The following SCARA3 variants were observed in gnomAD, a reference collection of about 807,000 sequenced individuals.
The protein encoded by SCARA3 is cellular stress response gene protein.
SCARA3 carries 39 observed loss-of-function variants against 47.0 expected under a neutral mutation model. The ratio of observed to expected loss-of-function variants is 0.83; its 90% CI spans 0.64 to 1.08. The LOEUF is 1.08. SCARA3 is among the 50% of genes least tolerant of loss of function. SCARA3 has a pLI of 0.00. For synonymous variants in SCARA3, 356 were observed against 334.1 expected (o/e 1.07, Z -0.71); for missense variants, 724 against 792.3 (o/e 0.91, Z 1.04).
chr8:27,684,798 G>A, the SCARA3 span, among the ~76,000 whole-genome samples: 1 of 152,212 alleles, frequency 6.6e-6, no homozygotes, highest in Non-Finnish European at 1.5e-5. Flanking sequence ...GCTGAAGCAG[G>A]AGGATCTGCT....
At position 27,634,131 on chromosome 8, in the gene SCARA3, G is replaced by C; in HGVS notation, c.-70G>C. ...CGATCCGCGCCCTGGAGGATCCGCC[G>C]GCCGCCCGGCTCCACTACAGCTCCA... On this transcript the variant is annotated 5_prime_UTR_variant, in exon 1 of 6. Coordinates refer to ENST00000301904, the MANE Select transcript of SCARA3 (RefSeq NM_016240.3). 1 of 1,412,772 alleles carries C rather than the reference G, an allele frequency of 7.1e-7. No homozygotes were observed. Among genetic ancestry groups the C allele is most frequent in the Non-Finnish European group, 9.2e-7 (1 of 1,081,200 alleles). 87.5% of individuals were successfully genotyped at this position (1,412,772 alleles called of 1,614,324 possible). A position where few individuals can be genotyped will look rare whatever the true frequency, so the allele number is the denominator to read the frequency against.
chr8:27,699,201 G>A, the SCARA3 span, among the ~76,000 whole-genome samples: 19 of 151,114 alleles, frequency 1.3e-4, 1 homozygote, highest in South Asian at 8.4e-4. Flanking sequence ...CCGAGATTGC[G>A]CCACTGCACT....
At chr8:27,695,587 T>C in the SCARA3 span, among the ~76,000 whole-genome samples, 1 of 152,102 alleles carries the variant, frequency 6.6e-6, no homozygotes, top group Non-Finnish European at 1.5e-5. Context: ...AACCTAAATA[T>C]TAGCAGACAA....
At chr8:27,647,135 A>G (rs1801520541) in intron 1 of SCARA3, among the ~76,000 whole-genome samples, 3 of 152,096 alleles carry the variant, frequency 2.0e-5, no homozygotes, top group African/African-American at 7.2e-5. Flanking sequence ...AGGTACACAC[A>G]CATGCACACT....
chr8:27,677,281 GGAA>G (rs1450106602), downstream of SCARA3, among the ~76,000 whole-genome samples: 1 of 152,198 alleles, frequency 6.6e-6, no homozygotes, highest in Admixed American at 6.5e-5. Flanking sequence ...TAGTCTTATG[GGAA>G]GAAGAAACGG....
chr8:27,633,747 G>C (rs1418864915), upstream of SCARA3: 1 of 151,456 alleles, frequency 6.6e-6, no homozygotes, highest in Admixed American at 6.6e-5. Context: ...GGCCGCGGCA[G>C]TTTTGAAAAT....
the SCARA3 span, among the ~76,000 whole-genome samples, chr8:27,685,840 TAAAC>T: frequency 1.3e-5 from 2 of 151,668 alleles, no homozygotes; most frequent in African/African-American, 2.4e-5. Context: ...AGAAACATGT[TAAAC>T]AACACCATTT....
At chr8:27,695,358 C>G in the SCARA3 span, among the ~76,000 whole-genome samples, 1 of 152,182 alleles carries the variant, frequency 6.6e-6, no homozygotes, top group Admixed American at 6.5e-5. Context: ...AAGACAAGTT[C>G]AAGGGGATCA....
chr8:27,698,504 G>A, the SCARA3 span, among the ~76,000 whole-genome samples: 1 of 152,096 alleles, frequency 6.6e-6, no homozygotes, highest in East Asian at 1.9e-4. Context: ...TATTCTATTT[G>A]ACTAGAGGTC....
intron 5 of SCARA3, among the ~76,000 whole-genome samples, chr8:27,666,416 G>A (rs892820685): frequency 6.6e-6 from 1 of 152,178 alleles, no homozygotes; most frequent in Non-Finnish European, 1.5e-5. Flanking sequence ...TGTTCTCCGT[G>A]GGAGGTTGAA....
chr8:27,677,270 A>G (rs1279642357), downstream of SCARA3, among the ~76,000 whole-genome samples: 3 of 152,216 alleles, frequency 2.0e-5, no homozygotes, highest in Admixed American at 6.5e-5. Flanking sequence ...AAACAGAGCC[A>G]TAGTCTTATG....
At chr8:27,649,604 G>A (rs1801586236) in intron 1 of SCARA3, 98 bp from the exon 2 acceptor site, 1 of 1,123,188 alleles carries the variant, frequency 8.9e-7, no homozygotes, top group African/African-American at 1.5e-5. Context: ...CTGGCTCAGG[G>A]GTAGAGGTGG....
the SCARA3 span, chr8:27,702,039 T>C: frequency 6.6e-6 from 1 of 152,116 alleles, no homozygotes. Context: ...GGCTAGAATA[T>C]GTGTGAGTAG....
the SCARA3 span, among the ~76,000 whole-genome samples, chr8:27,696,180 T>A: frequency 6.6e-6 from 1 of 152,076 alleles, no homozygotes; most frequent in Non-Finnish European, 1.5e-5. Flanking sequence ...TGGCTAATTT[T>A]AAATATTTTT....
Position 27,659,183 on chromosome 8 carries a change from G to A in SCARA3, c.1013G>A (p.Arg338His), listed in dbSNP as rs745310357. Residue 338 changes from arginine to histidine, a missense_variant, in exon 5 of 6, where the codon CGC becomes CAC. By Grantham distance (29) the Arg-to-His change is conservative. Coordinates refer to ENST00000301904, the MANE Select transcript of SCARA3 (RefSeq NM_016240.3). ...LQYHTHYAQN[R>H]TVERFESLEG... Reference sequence around the variant, plus strand: ...TACCATACCCACTACGCCCAGAACCGCACTGTGGAGAGGTTTGAGTCTCTG... The same window carrying A: ...TACCATACCCACTACGCCCAGAACCACACTGTGGAGAGGTTTGAGTCTCTG... 56 of 1,614,076 alleles carry A rather than the reference G, an allele frequency of 3.5e-5. No individual in the cohort carries two copies. Among genetic ancestry groups the A allele is most frequent in the African/African-American group, 8.0e-5 (6 of 75,014 alleles).
At chr8:27,714,193 CTTTT>C in the SCARA3 span, among the ~76,000 whole-genome samples, 4 of 114,110 alleles carry the variant, frequency 3.5e-5, no homozygotes, top group Non-Finnish European at 7.0e-5. Context: ...TCAGGTATTC[CTTTT>C]TTTTTTTTTT....
At chr8:27,682,281 T>C in the SCARA3 span, among the ~76,000 whole-genome samples, 1 of 152,156 alleles carries the variant, frequency 6.6e-6, no homozygotes, top group Non-Finnish European at 1.5e-5. Context: ...TAATTTGAGA[T>C]GGATCAAGAC....
chr8:27,658,933 T>A lies in SCARA3; in HGVS notation c.763T>A (p.Trp255Arg), dbSNP rs1801823939. The A allele has an allele frequency of 8.7e-6, 14 of 1,614,024 alleles. No homozygotes were observed. The highest frequency in any genetic ancestry group is 1.2e-5 in the Non-Finnish European group (14 of 1,180,042). Reference sequence around the variant, plus strand: ...GACCCTCCAGAAGATTGTCACCGACTGGCAGAACTACACACGGCTCTTCAG... The same window carrying A: ...GACCCTCCAGAAGATTGTCACCGACAGGCAGAACTACACACGGCTCTTCAG... The part of the protein sequence containing the change: ...TLTLQKIVTD[W>R]QNYTRLFSGL... Residue 255 changes from tryptophan to arginine, a missense_variant, in exon 5 of 6, where the codon TGG becomes AGG. Trp to Arg is a moderately radical substitution (Grantham distance 101). Coordinates refer to ENST00000301904, the MANE Select transcript of SCARA3 (RefSeq NM_016240.3).
downstream of SCARA3, among the ~76,000 whole-genome samples, chr8:27,675,193 G>A (rs778987718): frequency 2.5e-4 from 38 of 152,176 alleles, no homozygotes; most frequent in Non-Finnish European, 4.7e-4. Flanking sequence ...GCCTTCTGCC[G>A]TCCCTCCAAC....
Sources: gnomAD v4.1 joint callset for allele counts (sites outside exome capture counted in the v4.1 genomes callset) on GRCh38, gnomAD v4.1.1 for gene constraint, MANE v1.5 for transcripts, NCBI Gene and HGNC (gene_info 2026-07-23, HGNC 2026-07-21) for gene names.